Variants in SEC31A observed in about 807,000 individuals in gnomAD.
SEC31A encodes SEC31 homolog A, COPII component.
In SEC31A, 70 loss-of-function variants were observed where a neutral mutation model predicts 151.0. That is an observed-to-expected ratio of 0.46 (90% confidence interval 0.38 to 0.57). The LOEUF (loss-of-function observed/expected upper bound fraction) is 0.57. Among genes scored for constraint, SEC31A ranks in the 20% least tolerant of loss-of-function variants. SEC31A has a pLI of 0.00. For missense variants in SEC31A, 1,330 were observed against 1,471.2 expected (o/e 0.90, Z 1.57); for synonymous variants, 475 against 505.9 (o/e 0.94, Z 0.82).
intron 18 of SEC31A, 112 bp from the exon 19 acceptor site, chr4:82,851,716 T>A (rs1404395533): frequency 5.9e-6 from 5 of 849,830 alleles, no homozygotes; most frequent in Non-Finnish European, 9.0e-6. Flanking sequence ...ATATAGTACC[T>A]GTTATCATCC....
intron 10 of SEC31A, among the ~76,000 whole-genome samples, chr4:82,866,386 G>A (rs1188849742): frequency 6.6e-6 from 1 of 152,032 alleles, no homozygotes; most frequent in Non-Finnish European, 1.5e-5. Flanking sequence ...CAGGAGAATC[G>A]CTTGAACCAA....
rs569930548 is a variant in SEC31A, at chr4:82,835,633, T to C, written c.2968+6507A>G. ...CAACATGGTGAAACCCCGTCTCCAC[T>C]AAAACGCAAAAATTAGCTGGACGTG... On this transcript the variant is annotated intron_variant, in intron 22 of 26. Coordinates refer to ENST00000395310, the MANE Select transcript of SEC31A (RefSeq NM_001077207.4). 2.0e-5 allele frequency among the ~76,000 whole-genome samples: 3 copies of C among 152,126 alleles called. No individual in the cohort carries two copies. In the South Asian group the frequency reaches 6.2e-4, roughly 32 times the overall value.
At chr4:82,894,583 T>C (rs928263865), upstream of SEC31A, 3 of 152,270 alleles carry the variant, frequency 2.0e-5, no homozygotes, top group African/African-American at 7.2e-5. Flanking sequence ...CACAAACTGA[T>C]GTGGATGATC....
intron 1 of SEC31A, among the ~76,000 whole-genome samples, chr4:82,889,500 C>T (rs944275624): frequency 6.9e-6 from 1 of 145,636 alleles, no homozygotes; most frequent in South Asian, 2.1e-4. Flanking sequence ...TGAGCTATGA[C>T]TGCACCACTG....
chr4:82,821,178 T>G, intron 25 of SEC31A, 70 bp from the exon 26 acceptor site: 1 of 1,188,682 alleles, frequency 8.4e-7, no homozygotes, highest in Non-Finnish European at 1.3e-6. Context: ...CCCTATCTCA[T>G]TGCACTAAAC....
intron 22 of SEC31A, among the ~76,000 whole-genome samples, chr4:82,835,066 C>T (rs1446275349): frequency 6.6e-5 from 10 of 152,094 alleles, no homozygotes; most frequent in Non-Finnish European, 1.2e-4. Flanking sequence ...AGGCTGGTCT[C>T]GAACTCCTAA....
chr4:82,830,160 C>T (rs151324788), intron 22 of SEC31A, among the ~76,000 whole-genome samples: 32 of 152,282 alleles, frequency 2.1e-4, no homozygotes, highest in African/African-American at 6.7e-4. Context: ...GCTTACTTGT[C>T]TTGATTTTAA....
intron 11 of SEC31A, 105 bp downstream of exon 11, chr4:82,864,257 C>T (rs1260349173): frequency 3.7e-6 from 3 of 809,532 alleles, no homozygotes; most frequent in Non-Finnish European, 5.9e-6. Flanking sequence ...TTGCTGAAAT[C>T]ACACTTTTTC....
chr4:82,824,634 G>T lies in SEC31A; in HGVS notation c.3332C>A (p.Pro1111His). 1.2e-6 allele frequency: 2 copies of T among 1,614,022 alleles called. No homozygotes were observed. Among genetic ancestry groups the T allele is most frequent in the Non-Finnish European group, 1.7e-6 (2 of 1,179,952 alleles). Residue 1111 changes from proline (P) to histidine (H), a missense_variant, in exon 25 of 27, where the codon CCT becomes CAT. Physicochemically the swap from Pro to His is moderately conservative, Grantham distance 77. Transcript: ENST00000395310. Reference protein sequence around the residue: ...SLPTKKITKKPIPDEHLILKT... With the variant: ...SLPTKKITKKHIPDEHLILKT... The stretch of plus-strand genomic sequence containing the variant: ...TAGAATGAGGTGCTCATCTGGAATA[G>T]GTTTCTTGGTAATTTTTTTTGTTGG...
chr4:82,830,533 T>C (rs753131415), intron 22 of SEC31A, among the ~76,000 whole-genome samples: 20 of 152,136 alleles, frequency 1.3e-4, no homozygotes, highest in Non-Finnish European at 2.1e-4. Context: ...AGACAGAAAA[T>C]CAGATATGGC....
chr4:82,859,993 C>T (rs1379458983), intron 14 of SEC31A, among the ~76,000 whole-genome samples: 1 of 152,020 alleles, frequency 6.6e-6, no homozygotes, highest in South Asian at 2.1e-4. Flanking sequence ...GGTGTTTCAC[C>T]GTGTTAGCCA....
At chr4:82,865,322 G>T (rs551818129) in intron 10 of SEC31A, among the ~76,000 whole-genome samples, 1 of 151,944 alleles carries the variant, frequency 6.6e-6, no homozygotes, top group Non-Finnish European at 1.5e-5. Context: ...ATGGTAAAAC[G>T]GCTATAAAAT....
At chr4:82,834,752 C>G (rs1252303652) in intron 22 of SEC31A, among the ~76,000 whole-genome samples, 2 of 151,976 alleles carry the variant, frequency 1.3e-5, no homozygotes, top group Non-Finnish European at 2.9e-5. Context: ...AATTTTGTCT[C>G]AATTATAATT....
chr4:82,834,439 T>C (rs2149104610), intron 22 of SEC31A, among the ~76,000 whole-genome samples: 1 of 152,302 alleles, frequency 6.6e-6, no homozygotes, highest in African/African-American at 2.4e-5. Context: ...AAAAAGTCTA[T>C]GGAACTATTT....
At chr4:82,837,663 T>C (rs754245063) in intron 22 of SEC31A, among the ~76,000 whole-genome samples, 16 of 152,254 alleles carry the variant, frequency 1.1e-4, no homozygotes, top group Admixed American at 3.3e-4. Context: ...ATTTAAAAAA[T>C]AAATATAGCA....
chr4:82,876,680 T>G (rs1738029147), intron 4 of SEC31A, among the ~76,000 whole-genome samples: 2 of 152,208 alleles, frequency 1.3e-5, no homozygotes, highest in South Asian at 4.1e-4. Flanking sequence ...GCAATATTTC[T>G]AGGTTTTCTC....
At chr4:82,894,631 C>T (rs1215609718), upstream of SEC31A, 1 of 152,194 alleles carries the variant, frequency 6.6e-6, no homozygotes, top group East Asian at 1.9e-4. Flanking sequence ...TACCTTATGC[C>T]TTCTTAAAAC....
chr4:82,857,375 T>A (rs909111589), intron 15 of SEC31A, among the ~76,000 whole-genome samples: 2 of 152,158 alleles, frequency 1.3e-5, no homozygotes, highest in African/African-American at 4.8e-5. Context: ...TTATCAAAGA[T>A]CACCTAGGTG....
intron 1 of SEC31A, among the ~76,000 whole-genome samples, chr4:82,888,446 CT>C (rs1324410106): frequency 3.1e-5 from 3 of 97,800 alleles, no homozygotes; most frequent in Non-Finnish European, 6.1e-5. Context: ...AATCCCAGCA[CT>C]TTGGAAGGCC....
Sources: allele counts gnomAD v4.1 joint callset (sites outside exome capture counted in the v4.1 genomes callset), GRCh38; gene constraint gnomAD v4.1.1; transcripts MANE v1.5; gene names NCBI Gene and HGNC (gene_info 2026-07-23, HGNC 2026-07-21).